The following PDE4D variants were observed in gnomAD, a reference collection of about 807,000 sequenced individuals.
PDE4D encodes the protein 3',5'-cyclic-AMP phosphodiesterase 4D.
PDE4D carries 24 observed loss-of-function variants against 87.4 expected under a neutral mutation model. That is an observed-to-expected ratio of 0.27 (90% CI 0.20 to 0.39). PDE4D has a LOEUF of 0.39. Ranked by LOEUF, PDE4D falls within the 10% of genes least tolerant of loss-of-function variation. The probability of loss-of-function intolerance (pLI) is 1.00; values close to 1 mark genes in which losing one functional copy is unlikely to be tolerated. For synonymous variants in PDE4D, 384 were observed against 383.2 expected, an observed-to-expected ratio of 1.00 and a Z score of -0.02; for missense variants, 714 against 1,041.0, an observed-to-expected ratio of 0.69 and a Z score of 4.32.
chr5:60,409,577 C>T (rs543922920), intron 1 of PDE4D, among the ~76,000 whole-genome samples: 24 of 152,126 alleles, frequency 1.6e-4, no homozygotes, highest in Non-Finnish European at 1.5e-4. Context: ...ATTGATTATG[C>T]GCTTACTTTG....
chr5:60,442,098 C>T (rs780646034), intron 1 of PDE4D, among the ~76,000 whole-genome samples: 7 of 152,130 alleles, frequency 4.6e-5, no homozygotes, highest in Middle Eastern at 6.8e-3. Flanking sequence ...GGGTATATAC[C>T]CAAAGGACTA....
At chr5:60,150,125 A>C (rs904246987) in intron 2 of PDE4D, among the ~76,000 whole-genome samples, 4 of 150,470 alleles carry the variant, frequency 2.7e-5, no homozygotes, top group African/African-American at 9.7e-5. Flanking sequence ...CAAATTAGAC[A>C]ATTTGTACAA....
intron 1 of PDE4D, among the ~76,000 whole-genome samples, chr5:59,784,239 C>CT (rs34497367): frequency 0.3 from 42,152 of 139,914 alleles, 7,564 homozygotes; most frequent in Non-Finnish European, 0.4. Flanking sequence ...AAGTAACTTC[C>CT]TTTTTTTTTT....
intron 1 of PDE4D, among the ~76,000 whole-genome samples, chr5:60,240,443 A>G (rs1746963975): frequency 6.6e-6 from 1 of 152,132 alleles, no homozygotes; most frequent in South Asian, 2.1e-4. Flanking sequence ...CCTGAGCCAG[A>G]AGGGATGAGT....
chr5:59,146,236 C>T (rs992889016), intron 5 of PDE4D, among the ~76,000 whole-genome samples: 1 of 152,124 alleles, frequency 6.6e-6, no homozygotes, highest in East Asian at 1.9e-4. Flanking sequence ...CTTTTCCTTT[C>T]TGATAGACAC....
chr5:59,968,673 AG>A (rs34393722), intron 3 of PDE4D, among the ~76,000 whole-genome samples: 1 of 70,246 alleles, frequency 1.4e-5, no homozygotes, highest in Non-Finnish European at 4.6e-5. Flanking sequence ...AGTGAAACCT[AG>A]ATTTGATATT....
intron 2 of PDE4D, among the ~76,000 whole-genome samples, chr5:59,994,555 T>C (rs1763340705): frequency 6.6e-6 from 1 of 152,134 alleles, no homozygotes; most frequent in African/African-American, 2.4e-5. Context: ...TGGGTCTGTG[T>C]ATGTGCCACT....
Position 58,974,998 on chromosome 5 carries a change from T to TCCAAAATATCCTGGG in PDE4D, c.2081_2095dup (p.Ala694_Leu698dup). On this transcript the variant is annotated inframe_insertion, in exon 15 of 15. Transcript: ENST00000340635. ...CCATTCACGATTGTCCTCCAAAGTG[T>TCCAAAATATCCTGGG]CCAAAATATCCTGGGCGTCAGGGTG... 1 of 1,609,902 alleles carries TCCAAAATATCCTGGG rather than the reference T, an allele frequency of 6.2e-7. No individual in the cohort carries two copies. The highest frequency in any genetic ancestry group is 8.5e-7 in the Non-Finnish European group (1 of 1,177,016).
intron 3 of PDE4D, among the ~76,000 whole-genome samples, chr5:59,186,091 A>C (rs973494587): frequency 3.9e-5 from 6 of 152,172 alleles, no homozygotes; most frequent in Admixed American, 6.6e-5. Flanking sequence ...GAAATGGGCA[A>C]GTTTCCCCAG....
intron 1 of PDE4D, among the ~76,000 whole-genome samples, chr5:59,362,627 A>G (rs1330008539): frequency 2.6e-5 from 4 of 152,164 alleles, no homozygotes; most frequent in Non-Finnish European, 5.9e-5. Context: ...TTGAAAACTT[A>G]TGGGATCCTA....
intron 1 of PDE4D, among the ~76,000 whole-genome samples, chr5:59,732,924 G>T (rs1420823970): frequency 1.1e-4 from 17 of 152,218 alleles, no homozygotes; most frequent in South Asian, 4.1e-4. Flanking sequence ...ATGGATTTGA[G>T]TTAAGTAAGT....
At chr5:60,399,450 T>A (rs1472482626) in intron 1 of PDE4D, among the ~76,000 whole-genome samples, 1 of 152,234 alleles carries the variant, frequency 6.6e-6, no homozygotes, top group Non-Finnish European at 1.5e-5. Flanking sequence ...TTTGATGAAT[T>A]TCCTGCCATG....
chr5:59,196,531 AG>A (rs1286320651), intron 2 of PDE4D, among the ~76,000 whole-genome samples: 1 of 152,222 alleles, frequency 6.6e-6, no homozygotes, highest in Non-Finnish European at 1.5e-5. Flanking sequence ...ATTTTGAAAC[AG>A]TAGCCTAACT....
intron 2 of PDE4D, among the ~76,000 whole-genome samples, chr5:60,166,703 C>T (rs1011793381): frequency 2.0e-5 from 3 of 152,068 alleles, no homozygotes; most frequent in African/African-American, 4.8e-5. Context: ...TCTTTTATTC[C>T]AGCTTGAAGA....
chr5:60,087,485 C>T (rs1390648029), intron 2 of PDE4D, among the ~76,000 whole-genome samples: 1 of 151,956 alleles, frequency 6.6e-6, no homozygotes, highest in Non-Finnish European at 1.5e-5. Context: ...GAAAGAATCA[C>T]AATAAAACAC....
At chr5:60,052,507 C>A (rs749803701) in intron 2 of PDE4D, among the ~76,000 whole-genome samples, 8 of 152,142 alleles carry the variant, frequency 5.3e-5, no homozygotes, top group Non-Finnish European at 5.9e-5. Flanking sequence ...GCTAAAAACT[C>A]TCAATACACT....
At chr5:59,255,351 G>C (rs1272811383) in intron 1 of PDE4D, among the ~76,000 whole-genome samples, 1 of 152,030 alleles carries the variant, frequency 6.6e-6, no homozygotes, top group Non-Finnish European at 1.5e-5. Flanking sequence ...AACATTCAGA[G>C]TAGGCAAATT....
At chr5:59,564,746 G>T (rs1820596985) in intron 1 of PDE4D, among the ~76,000 whole-genome samples, 1 of 152,108 alleles carries the variant, frequency 6.6e-6, no homozygotes, top group Admixed American at 6.5e-5. Flanking sequence ...ATGACAAAGG[G>T]CCCCCAGGAA....
At chr5:59,116,725 A>G (rs1052902484) in intron 5 of PDE4D, among the ~76,000 whole-genome samples, 1 of 152,310 alleles carries the variant, frequency 6.6e-6, no homozygotes, top group Admixed American at 6.5e-5. Flanking sequence ...GGCAAGAAGT[A>G]GAGAAAGTGA....
Sources: allele counts gnomAD v4.1 joint callset (sites outside exome capture counted in the v4.1 genomes callset), GRCh38; gene constraint gnomAD v4.1.1; transcripts MANE v1.5; gene names NCBI Gene and HGNC (gene_info 2026-07-23, HGNC 2026-07-21).